Variants in RAB4B observed in about 807,000 individuals in gnomAD.
RAB4B encodes ras-related protein Rab-4B.
In RAB4B, 15 loss-of-function variants were observed where a neutral mutation model predicts 28.3. The observed-to-expected ratio is 0.53, with a 90% CI of 0.35 to 0.82. RAB4B has a LOEUF of 0.82. Ranked by LOEUF, RAB4B falls within the 40% of genes least tolerant of loss-of-function variation. The pLI, the probability that RAB4B is intolerant of heterozygous loss-of-function variation, is 0.01. For missense variants in RAB4B, 244 were observed against 288.5 expected, an observed-to-expected ratio of 0.85 and a Z score of 1.12; for synonymous variants, 108 against 116.3, an observed-to-expected ratio of 0.93 and a Z score of 0.46.
intron 7 of RAB4B, among the ~76,000 whole-genome samples, chr19:40,789,778 C>T (rs1427910819): frequency 1.3e-5 from 2 of 152,260 alleles, no homozygotes; most frequent in African/African-American, 2.4e-5. Flanking sequence ...GGATTACAGG[C>T]GTCAGCCACC....
intron 2 of RAB4B, 75 bp downstream of exon 2, chr19:40,780,174 G>A: frequency 1.3e-6 from 2 of 1,583,062 alleles, no homozygotes; most frequent in Non-Finnish European, 1.7e-6. Flanking sequence ...GGCAGCCGGT[G>A]GGGAGGGCAG....
intron 7 of RAB4B, among the ~76,000 whole-genome samples, chr19:40,793,838 A>C (rs962469791): frequency 6.6e-6 from 1 of 151,646 alleles, no homozygotes; most frequent in South Asian, 2.1e-4. Context: ...GCAGAGGAAT[A>C]GCTTGATCCC....
intron 7 of RAB4B, among the ~76,000 whole-genome samples, chr19:40,792,881 A>G (rs1460864479): frequency 3.3e-5 from 5 of 151,952 alleles, no homozygotes; most frequent in Non-Finnish European, 7.4e-5. Flanking sequence ...CCAGGGTTCA[A>G]GCAATTCTCC....
At chr19:40,781,916 GAGGCTGAGGC>G (rs1229272352) in intron 3 of RAB4B, among the ~76,000 whole-genome samples, 1 of 151,670 alleles carries the variant, frequency 6.6e-6, no homozygotes, top group Non-Finnish European at 1.5e-5. Context: ...AGCTACTTGG[GAGGCTGAGGC>G]AGGAGAATGG....
chr19:40,788,970 TG>T (rs1202499903), intron 7 of RAB4B, among the ~76,000 whole-genome samples: 2 of 151,562 alleles, frequency 1.3e-5, no homozygotes. Context: ...TTAGTAGAGA[TG>T]GGGTTTTACC....
At chr19:40,781,651 G>A (rs2083049320) in intron 3 of RAB4B, among the ~76,000 whole-genome samples, 1 of 152,090 alleles carries the variant, frequency 6.6e-6, no homozygotes, top group Non-Finnish European at 1.5e-5. Context: ...GAGAGAGAGA[G>A]AGAAATGCGT....
chr19:40,780,271 C>T (rs1357531951), intron 2 of RAB4B, 114 bp from the exon 3 acceptor site: 9 of 1,430,326 alleles, frequency 6.3e-6, no homozygotes, highest in Middle Eastern at 1.8e-4. Flanking sequence ...GACCTCAAGT[C>T]ACTCCAGCAA....
intron 7 of RAB4B, among the ~76,000 whole-genome samples, chr19:40,794,052 C>A (rs1568496393): frequency 6.6e-6 from 1 of 151,108 alleles, no homozygotes; most frequent in Non-Finnish European, 1.5e-5. Flanking sequence ...CCCAGCCAAC[C>A]AATATAATAT....
At chr19:40,778,835 A>T (rs1335372674) in intron 1 of RAB4B, among the ~76,000 whole-genome samples, 1 of 152,024 alleles carries the variant, frequency 6.6e-6, no homozygotes, top group East Asian at 1.9e-4. Context: ...TCCTTGAGTT[A>T]GGGGCAGGAC....
In RAB4B at chr19:40,783,630, G is replaced by A. The variant is rs1300489817; in HGVS notation, c.213-148G>A. Reference sequence around the variant, plus strand: ...AAGGATGCAAGAAGAGAGAGGAATTGCATGGTGACCCGACCAAGGCCAGGT... The same window carrying A: ...AAGGATGCAAGAAGAGAGAGGAATTACATGGTGACCCGACCAAGGCCAGGT... On this transcript the variant is annotated intron_variant, in intron 3 of 7. Coordinates refer to ENST00000357052, the MANE Select transcript of RAB4B (RefSeq NM_016154.5). 6 of 581,370 alleles carry A rather than the reference G, an allele frequency of 1.0e-5. No homozygotes were observed. The Admixed American group carries it at 1.8e-4, about 18-fold the overall frequency. The allele number at this position is 581,370 out of a possible 1,614,324, so 36.0% of individuals were successfully genotyped here.
rs1307023803 is a variant in RAB4B, at chr19:40,786,651, G to A, written c.431-14G>A. ...CTAACTGGGGCCCTGACCTCAGAGT[G>A]TGTGCCCCTGCAGAGCTGATGTTCC... On this transcript the variant is annotated splice_polypyrimidine_tract_variant and intron_variant, in intron 5 of 7. Coordinates refer to ENST00000357052, the MANE Select transcript of RAB4B (RefSeq NM_016154.5). The A allele has an allele frequency of 5.6e-6, 9 of 1,613,920 alleles. No homozygotes were observed. The East Asian group carries it at 2.0e-4, about 36-fold the overall frequency.
chr19:40,786,623 G>T (rs760866203), intron 5 of RAB4B, 42 bp from the exon 6 acceptor site: 14 of 1,611,076 alleles, frequency 8.7e-6, no homozygotes, highest in Admixed American at 3.4e-5. Flanking sequence ...TGGAGGGTGG[G>T]GACTAACTGG....
intron 7 of RAB4B, among the ~76,000 whole-genome samples, chr19:40,793,572 GT>G (rs373163247): frequency 0.071 from 8,881 of 125,348 alleles, 338 homozygotes; most frequent in East Asian, 0.21. Flanking sequence ...TTTCTTTTTT[GT>G]TTTTTTTTTT....
rs10594318 is a variant in RAB4B at position 40,795,369 on chromosome 19, TTTTATTTATTTATTTATTTA to T, written c.*16-1180_*16-1161del. Among the ~76,000 whole-genome samples the T allele has an allele frequency of 5.5e-5, 8 of 145,654 alleles. No homozygotes were observed. In the East Asian group the frequency reaches 8.1e-4, roughly 15 times the overall value. On this transcript the variant is annotated intron_variant, in intron 7 of 7. Coordinates refer to ENST00000357052, the MANE Select transcript of RAB4B (RefSeq NM_016154.5). ...ACAGAAAGATACAAAGGCAGGTTCA[TTTTATTTATTTATTTATTTA>T]TTTATTTATTTATTTATTTAAATTT...
chr19:40,786,803 G>A (rs371599561), intron 6 of RAB4B, 43 bp downstream of exon 6: 3 of 1,613,946 alleles, frequency 1.9e-6, no homozygotes, highest in Admixed American at 1.7e-5. Flanking sequence ...GGGCAGGCCC[G>A]GGGGTCTCCA....
chr19:40,785,333 C>T (rs1183515561), intron 5 of RAB4B, among the ~76,000 whole-genome samples: 1 of 128,976 alleles, frequency 7.8e-6, no homozygotes, highest in African/African-American at 3.4e-5. Context: ...GAGTGAGACC[C>T]TGCCTCTACA....
intron 5 of RAB4B, 159 bp from the exon 6 acceptor site, chr19:40,786,506 A>G (rs1263233553): frequency 9.3e-7 from 1 of 1,080,692 alleles, no homozygotes; most frequent in Non-Finnish European, 1.3e-6. Context: ...CATATCGGGA[A>G]GCGGACATTA....
At position 40,788,419 on chromosome 19, in the gene RAB4B, G is replaced by C. The variant is rs146784452; in HGVS notation, c.*15+1441G>C. On this transcript the variant is annotated intron_variant, in intron 7 of 7. Transcript: ENST00000357052. Reference sequence around the variant, plus strand: ...GGATGGCTTGAGTCCAGGTGTTCGAGGCTGCAGTGAGCTGTGACCATGCGC... The same window carrying C: ...GGATGGCTTGAGTCCAGGTGTTCGACGCTGCAGTGAGCTGTGACCATGCGC... 1.5e-4 allele frequency among the ~76,000 whole-genome samples: 23 copies of C among 149,448 alleles called. No homozygotes were observed. In the East Asian group the frequency reaches 4.5e-3, roughly 29 times the overall value.
At chr19:40,778,439 G>GA (rs2083015731) in intron 1 of RAB4B, 48 bp downstream of exon 1, 1 of 1,409,888 alleles carries the variant, frequency 7.1e-7, no homozygotes. Context: ...GCCCAGGGAG[G>GA]ATGCGGCCTG....
Sources: allele counts gnomAD v4.1 joint callset (sites outside exome capture counted in the v4.1 genomes callset), GRCh38; gene constraint gnomAD v4.1.1; transcripts MANE v1.5; gene names NCBI Gene and HGNC (gene_info 2026-07-23, HGNC 2026-07-21).